Variants in VWA8 observed in about 807,000 individuals in gnomAD.
VWA8 encodes the protein von Willebrand factor A domain-containing protein 8.
Under a neutral mutation model 241.5 loss-of-function variants are expected in VWA8, and 221 were observed. The observed-to-expected ratio is 0.91, with a 90% confidence interval of 0.82 to 1.02. VWA8 has a LOEUF of 1.02. Among genes scored for constraint, VWA8 ranks in the 50% least tolerant of loss-of-function variants. The pLI, the probability that VWA8 is intolerant of heterozygous loss-of-function variation, is 0.00. For missense variants in VWA8, 2,322 were observed against 2,328.7 expected, an observed-to-expected ratio of 1.00 and a Z score of 0.06; for synonymous variants, 852 against 827.1, an observed-to-expected ratio of 1.03 and a Z score of -0.52.
chr13:41,577,174 T>C (rs909027046), intron 42 of VWA8, among the ~76,000 whole-genome samples: 32 of 152,160 alleles, frequency 2.1e-4, no homozygotes, highest in African/African-American at 7.5e-4. Context: ...TTTGGCCCCA[T>C]AGACACCTCA....
At chr13:41,864,371 C>T (rs1873190271) in intron 12 of VWA8, among the ~76,000 whole-genome samples, 1 of 152,104 alleles carries the variant, frequency 6.6e-6, no homozygotes, top group South Asian at 2.1e-4. Context: ...TACCACTGTT[C>T]ACAGCAGAAT....
chr13:41,735,732 A>G (rs1171004537), intron 21 of VWA8, among the ~76,000 whole-genome samples: 1 of 152,160 alleles, frequency 6.6e-6, no homozygotes, highest in Admixed American at 6.5e-5. Context: ...TATTGTCTGC[A>G]TAAGACTTAA....
chr13:41,930,201 A>G (rs1040511515), intron 2 of VWA8, among the ~76,000 whole-genome samples: 5 of 152,212 alleles, frequency 3.3e-5, no homozygotes, highest in African/African-American at 7.2e-5. Flanking sequence ...ATGTGTTAGC[A>G]CGGCTATTAT....
At chr13:41,802,290 T>C (rs1593781896) in intron 17 of VWA8, among the ~76,000 whole-genome samples, 1 of 152,196 alleles carries the variant, frequency 6.6e-6, no homozygotes, top group Non-Finnish European at 1.5e-5. Context: ...AGCAACAGGG[T>C]AGCATTTTGA....
chr13:41,669,170 A>G (rs968965527), intron 37 of VWA8, among the ~76,000 whole-genome samples: 6 of 152,136 alleles, frequency 3.9e-5, no homozygotes, highest in African/African-American at 1.4e-4. Context: ...AAAGTTACAC[A>G]TGTCCTGGAA....
Position 41,818,845 on chromosome 13 carries a change from G to A in VWA8, c.1869+373C>T, listed in dbSNP as rs76362876. 4.2e-3 allele frequency among the ~76,000 whole-genome samples: 643 copies of A among 152,184 alleles called. 3 individuals carry two copies. Among genetic ancestry groups the A allele is most frequent in the Non-Finnish European group, 7.1e-3 (482 of 67,988 alleles). On this transcript the variant is annotated intron_variant, in intron 15 of 44. Transcript: ENST00000379310. Reference sequence around the variant, plus strand: ...CTAAACAGAAAAATAAAAAGGATTCGAAAATGGCCTCCACCTGAGGAAAGA... The same window carrying A: ...CTAAACAGAAAAATAAAAAGGATTCAAAAATGGCCTCCACCTGAGGAAAGA...
chr13:41,901,506 TAA>T (rs1875423427), intron 4 of VWA8, among the ~76,000 whole-genome samples: 1 of 152,154 alleles, frequency 6.6e-6, no homozygotes, highest in Non-Finnish European at 1.5e-5. Context: ...GGTCTCCCAA[TAA>T]AAGTTTCCTT....
chr13:41,618,533 T>C (rs893149432), intron 37 of VWA8, among the ~76,000 whole-genome samples: 1 of 152,142 alleles, frequency 6.6e-6, no homozygotes, highest in Non-Finnish European at 1.5e-5. Flanking sequence ...GGTGTTTTCG[T>C]CATGGAGTCC....
At chr13:41,717,743 T>C (rs569528319) in intron 26 of VWA8, among the ~76,000 whole-genome samples, 9 of 152,134 alleles carry the variant, frequency 5.9e-5, no homozygotes, top group African/African-American at 2.2e-4. Flanking sequence ...GAGGAAAAAA[T>C]TGCTCTGAAT....
intron 37 of VWA8, among the ~76,000 whole-genome samples, chr13:41,653,720 C>A (rs917386233): frequency 1.3e-5 from 2 of 152,182 alleles, no homozygotes; most frequent in Admixed American, 1.3e-4. Flanking sequence ...GACACATAGA[C>A]CAATGGAACA....
intron 2 of VWA8, among the ~76,000 whole-genome samples, chr13:41,940,069 C>T (rs935321314): frequency 6.6e-6 from 1 of 152,100 alleles, no homozygotes; most frequent in East Asian, 1.9e-4. Context: ...CTAGAGACAT[C>T]GTAGCAGACT....
chr13:41,836,398 C>T (rs1359735412), intron 12 of VWA8, among the ~76,000 whole-genome samples: 3 of 152,036 alleles, frequency 2.0e-5, no homozygotes, highest in African/African-American at 7.2e-5. Flanking sequence ...GATATCCTGG[C>T]CCAATTAAGG....
intron 37 of VWA8, among the ~76,000 whole-genome samples, chr13:41,637,666 T>C (rs990612976): frequency 2.6e-5 from 4 of 152,226 alleles, no homozygotes; most frequent in African/African-American, 7.2e-5. Flanking sequence ...CAGTAATTGG[T>C]ATGTACATTT....
At chr13:41,882,831 G>A (rs868454342) in intron 9 of VWA8, among the ~76,000 whole-genome samples, 1 of 152,076 alleles carries the variant, frequency 6.6e-6, no homozygotes, top group Non-Finnish European at 1.5e-5. Context: ...GAGAGGGAGA[G>A]GGAGAGGGAG....
At chr13:41,699,948 G>A (rs182602457) in intron 28 of VWA8, among the ~76,000 whole-genome samples, 126 of 152,182 alleles carry the variant, frequency 8.3e-4, no homozygotes, top group African/African-American at 3.0e-3. Context: ...GTTTGGGGTG[G>A]GGTTTCAGAT....
intron 16 of VWA8, among the ~76,000 whole-genome samples, chr13:41,812,904 A>G (rs898335232): frequency 6.6e-6 from 1 of 152,218 alleles, no homozygotes; most frequent in Non-Finnish European, 1.5e-5. Flanking sequence ...TCAAAATAGT[A>G]TATACTTCAA....
At chr13:41,862,778 G>C (rs1324045003) in intron 12 of VWA8, among the ~76,000 whole-genome samples, 1 of 152,128 alleles carries the variant, frequency 6.6e-6, no homozygotes, top group East Asian at 1.9e-4. Context: ...AAAAATAACA[G>C]ATATTGATGA....
chr13:41,753,122 C>G (rs1039282533), intron 21 of VWA8, among the ~76,000 whole-genome samples: 6 of 152,050 alleles, frequency 3.9e-5, no homozygotes. Context: ...ACTGAATAGT[C>G]TGGAGTAAAT....
At chr13:41,646,371 C>T (rs2044832617) in intron 37 of VWA8, among the ~76,000 whole-genome samples, 1 of 152,192 alleles carries the variant, frequency 6.6e-6, no homozygotes, top group African/African-American at 2.4e-5. Context: ...GTGACGACCA[C>T]GTGCCGGTGC....
Sources: allele counts gnomAD v4.1 joint callset (sites outside exome capture counted in the v4.1 genomes callset), GRCh38; gene constraint gnomAD v4.1.1; transcripts MANE v1.5; gene names NCBI Gene and HGNC (gene_info 2026-07-23, HGNC 2026-07-21).